Variants in RPS6KB2 observed in about 807,000 individuals in gnomAD.
The protein encoded by RPS6KB2 is ribosomal protein S6 kinase B2.
In RPS6KB2, 51 loss-of-function variants were observed where a neutral mutation model predicts 58.2. That is an observed-to-expected ratio of 0.88 (90% CI 0.70 to 1.11). The LOEUF (loss-of-function observed/expected upper bound fraction) is 1.11. Among genes scored for constraint, RPS6KB2 ranks in the 50% least tolerant of loss-of-function variants. The probability of loss-of-function intolerance (pLI) is 0.00; values close to 1 mark genes in which losing one functional copy is unlikely to be tolerated. For synonymous variants in RPS6KB2, 293 were observed against 258.6 expected (o/e 1.13, Z -1.28); for missense variants, 671 against 655.8 (o/e 1.02, Z -0.25).
intron 11 of RPS6KB2, 28 bp downstream of exon 11, chr11:67,434,085 G>T (rs1373820871): frequency 1.9e-6 from 3 of 1,613,770 alleles, no homozygotes; most frequent in Non-Finnish European, 2.5e-6. Flanking sequence ...ACCAGGGGTA[G>T]GGCTGAGTCT....
chr11:67,429,314 T>G, intron 3 of RPS6KB2, 74 bp downstream of exon 3: 1 of 1,585,216 alleles, frequency 6.3e-7, no homozygotes, highest in Non-Finnish European at 8.6e-7. Flanking sequence ...CAAAACAAAT[T>G]AGACTTGTGA....
intron 4 of RPS6KB2, 147 bp downstream of exon 4, chr11:67,429,742 G>C (rs184693568): frequency 4.3e-5 from 28 of 650,386 alleles, no homozygotes; most frequent in African/African-American, 3.8e-4. Flanking sequence ...GATGTGTATT[G>C]TCTTGCAGTA....
At chr11:67,434,318 A>C (rs1238004446) in intron 12 of RPS6KB2, 43 bp downstream of exon 12, 1 of 1,610,930 alleles carries the variant, frequency 6.2e-7, no homozygotes, top group South Asian at 1.1e-5. Flanking sequence ...GGCGGGTGGC[A>C]AGTGGAGAAC....
In RPS6KB2 at chr11:67,432,651, CG is replaced by C. The variant is rs762108196; in HGVS notation, c.511del (p.Ala171ProfsTer40). ...CGAGAGGGCATCTTCCTGGAAGATA[CG>C]GCCTGGTGGGTGTTAATCCTCCGCT... ...LEREGIFLEDTACFYLAEITL... is the reference protein window; with the variant it reads ...LEREGIFLEDXACFYLAEITL... On this transcript the variant is annotated frameshift_variant, in exon 6 of 15. Coordinates refer to ENST00000312629, the MANE Select transcript of RPS6KB2 (RefSeq NM_003952.3). LOFTEE classifies it high-confidence loss of function. 28 of 1,613,976 alleles carry C rather than the reference CG, an allele frequency of 1.7e-5. No homozygotes were observed. In the East Asian group the frequency reaches 6.0e-4, roughly 35 times the overall value.
At chr11:67,433,941 G>A in intron 10 of RPS6KB2, 54 bp from the exon 11 acceptor site, 2 of 1,602,858 alleles carry the variant, frequency 1.2e-6, no homozygotes, top group South Asian at 1.1e-5. Context: ...CTGGGACCCG[G>A]GGACACATGA....
intron 5 of RPS6KB2, 28 bp from the exon 6 acceptor site, chr11:67,432,572 C>T (rs771455616): frequency 6.8e-6 from 11 of 1,613,498 alleles, no homozygotes; most frequent in East Asian, 2.2e-5. Flanking sequence ...GGACCCAGCA[C>T]GTGGCTGCTG....
At position 67,432,616 on chromosome 11, in the gene RPS6KB2, G is replaced by A. The variant is rs755297940; in HGVS notation, c.474G>A (p.Thr158=). The A allele has an allele frequency of 1.9e-5, 30 of 1,614,108 alleles. No homozygotes were observed. The highest frequency in any genetic ancestry group is 1.5e-4 in the Admixed American group (9 of 60,012). The change falls in exon 6 of 15, where the codon ACG becomes ACA. Residue 158 remains threonine (T), a synonymous_variant. Coordinates refer to ENST00000312629, the MANE Select transcript of RPS6KB2 (RefSeq NM_003952.3). ...LECLSGGELF[T]HLEREGIFLE... is the part of the protein sequence containing the mutation. The stretch of plus-strand genomic sequence containing the variant: ...GTGTGGCAGGTGGCGAGCTCTTCAC[G>A]CATCTGGAGCGAGAGGGCATCTTCC...
At position 67,434,579 on chromosome 11, in the gene RPS6KB2, C is replaced by T. The variant is rs1186251572; in HGVS notation, c.1156-3C>T. On this transcript the variant is annotated splice_polypyrimidine_tract_variant and splice_region_variant and intron_variant, in intron 13 of 14. Coordinates refer to ENST00000312629, the MANE Select transcript of RPS6KB2 (RefSeq NM_003952.3). ...GTCGCATGGCCCTGCCTCCGCCCCC[C>T]AGGGCTTCACATACGTGGCGCCGTC... 14 of 1,603,244 alleles carry T rather than the reference C, an allele frequency of 8.7e-6. No homozygotes were observed. Among genetic ancestry groups the T allele is most frequent in the Admixed American group, 3.4e-5 (2 of 58,898 alleles).
Position 67,435,327 on chromosome 11 carries a change from A to T in RPS6KB2, c.*158A>T. On this transcript the variant is annotated 3_prime_UTR_variant, in exon 15 of 15. Transcript: ENST00000312629. ...TCTGCTGGGGCAGCTGTGCCCCTGA[A>T]TCATGGGCACGGAGGGCCGCCCGCC... 1.3e-6 allele frequency: 1 copy of T among 760,758 alleles called. No individual in the cohort carries two copies. The highest frequency in any genetic ancestry group is 2.0e-6 in the Non-Finnish European group (1 of 488,630). 47.1% of individuals were successfully genotyped at this position (760,758 alleles called of 1,614,324 possible). A position where few individuals can be genotyped will look rare whatever the true frequency, so the allele number is the denominator to read the frequency against.
chr11:67,432,317 G>C (rs781268072), intron 5 of RPS6KB2: 3 of 643,734 alleles, frequency 4.7e-6, no homozygotes, highest in Middle Eastern at 2.4e-4. Flanking sequence ...TGGGCCTGGC[G>C]TATTAGAGCC....
chr11:67,432,463 T>G (rs1375801871), intron 5 of RPS6KB2, 137 bp from the exon 6 acceptor site: 4 of 901,668 alleles, frequency 4.4e-6, no homozygotes, highest in Non-Finnish European at 7.2e-6. Flanking sequence ...CTGAATTGAA[T>G]TGAATCCCCA....
rs746064038 is a variant in RPS6KB2, at chr11:67,434,073, C to T, written c.969+16C>T. 2 of 1,613,722 alleles carry T rather than the reference C, an allele frequency of 1.2e-6. No individual in the cohort carries two copies. The highest frequency in any genetic ancestry group is 3.3e-5 in the Admixed American group (2 of 60,006). ...TGATGTGCAGGTGGGTTTGGGACCA[C>T]CACCAGGGGTAGGGCTGAGTCTCCA... On this transcript the variant is annotated intron_variant, in intron 11 of 14. Transcript: ENST00000312629.
chr11:67,429,215 T>C lies in RPS6KB2; in HGVS notation c.215T>C (p.Val72Ala). ...CCCCACTGCTTTGAGCTGCTGCGTGTGCTGGGCAAGGGGGGCTATGGCAAG... is the reference window on the plus strand; with the variant it reads ...CCCCACTGCTTTGAGCTGCTGCGTGCGCTGGGCAAGGGGGGCTATGGCAAG... Reference protein sequence around the residue: ...IGPHCFELLRVLGKGGYGKVF... With the variant: ...IGPHCFELLRALGKGGYGKVF... The change falls in exon 3 of 15, where the codon GTG becomes GCG. Residue 72 changes from valine to alanine, a missense_variant. Physicochemically the swap from Val to Ala is moderately conservative, Grantham distance 64. Coordinates refer to ENST00000312629, the MANE Select transcript of RPS6KB2 (RefSeq NM_003952.3). The C allele has an allele frequency of 6.2e-7, 1 of 1,613,574 alleles. No homozygotes were observed.
At position 67,434,489 on chromosome 11, in the gene RPS6KB2, G is replaced by A. The variant is rs1377469251; in HGVS notation, c.1155+5G>A. Reference sequence around the variant, plus strand: ...AGTGCCAACCAGGCCTTCCTGGTGAGTGCGGGGGCCTGAGGCCTGTGGGAC... The same window carrying A: ...AGTGCCAACCAGGCCTTCCTGGTGAATGCGGGGGCCTGAGGCCTGTGGGAC... On this transcript the variant is annotated splice_donor_5th_base_variant and intron_variant, in intron 13 of 14. Coordinates refer to ENST00000312629, the MANE Select transcript of RPS6KB2 (RefSeq NM_003952.3). The A allele has an allele frequency of 6.2e-7, 1 of 1,610,060 alleles. No individual in the cohort carries two copies. The highest frequency in any genetic ancestry group is 8.5e-7 in the Non-Finnish European group (1 of 1,178,426).
chr11:67,428,750 C>T (rs1863924045), intron 1 of RPS6KB2, 127 bp downstream of exon 1: 4 of 987,242 alleles, frequency 4.1e-6, no homozygotes, highest in Non-Finnish European at 3.0e-6. Context: ...CTTCTCAGAT[C>T]CCGGTCTCTA....
chr11:67,434,010 C>G lies in RPS6KB2; in HGVS notation c.922C>G (p.Pro308Ala). 1 of 1,614,132 alleles carries G rather than the reference C, an allele frequency of 6.2e-7. No individual in the cohort carries two copies. Residue 308 changes from proline to alanine, a missense_variant, in exon 11 of 15, where the codon CCC becomes GCC. By Grantham distance (27) the Pro-to-Ala change is conservative (BLOSUM62 -1). Coordinates refer to ENST00000312629, the MANE Select transcript of RPS6KB2 (RefSeq NM_003952.3). ...GGTCCCGCAGTTTCTGAAACGGAAT[C>G]CCAGCCAGCGGATTGGGGGTGGCCC... is the stretch of plus-strand genomic sequence containing the variant. ...DLVKKFLKRN[P>A]SQRIGGGPGD...
rs750042369 is a variant in RPS6KB2, at chr11:67,434,023, T to A, written c.935T>A (p.Ile312Asn). 1 of 1,614,036 alleles carries A rather than the reference T, an allele frequency of 6.2e-7. No homozygotes were observed. The highest frequency in any genetic ancestry group is 1.3e-5 in the African/African-American group (1 of 74,930). The part of the protein sequence containing the change: ...KFLKRNPSQR[I>N]GGGPGDAADV... ...CTGAAACGGAATCCCAGCCAGCGGA[T>A]TGGGGGTGGCCCAGGGGATGCTGCT... The change falls in exon 11 of 15, where the codon ATT (isoleucine) becomes AAT (asparagine). Residue 312 changes from isoleucine (I) to asparagine (N), a missense_variant. Physicochemically the swap from Ile to Asn is moderately radical, Grantham distance 149 (BLOSUM62 -3). Transcript: ENST00000312629.
rs1342474706 is a variant in RPS6KB2 at position 67,434,611 on chromosome 11, G to C, written c.1185G>C (p.Leu395=). 6.2e-7 allele frequency: 1 copy of C among 1,608,764 alleles called. No individual in the cohort carries two copies. The highest frequency in any genetic ancestry group is 1.1e-5 in the South Asian group (1 of 90,672). The change falls in exon 14 of 15, where the codon CTG becomes CTC. Residue 395 remains leucine (L), a synonymous_variant. Coordinates refer to ENST00000312629, the MANE Select transcript of RPS6KB2 (RefSeq NM_003952.3). The part of the protein sequence containing the change: ...LGFTYVAPSV[L]DSIKEGFSFQ... The stretch of plus-strand genomic sequence containing the variant: ...TCACATACGTGGCGCCGTCTGTCCT[G>C]GACAGCATCAAGGAGGGCTTCTCCT...
At chr11:67,429,377 C>T (rs2135114809) in intron 3 of RPS6KB2, 137 bp downstream of exon 3, 2 of 1,392,776 alleles carry the variant, frequency 1.4e-6, no homozygotes, top group African/African-American at 1.4e-5. Context: ...GGAGGGAAGG[C>T]CAAATCCTCT....
Sources: gnomAD v4.1 joint callset for allele counts on GRCh38, gnomAD v4.1.1 for gene constraint, MANE v1.5 for transcripts, NCBI Gene and HGNC (gene_info 2026-07-23, HGNC 2026-07-21) for gene names.